FOLR3: variants seen among roughly 807,000 people sequenced by gnomAD.
FOLR3 encodes folate receptor 3 (gamma).
In FOLR3, 9 loss-of-function variants were observed where a neutral mutation model predicts 20.0. The observed-to-expected ratio is 0.45, with a 90% CI of 0.27 to 0.79. FOLR3 has a LOEUF of 0.79. FOLR3 is among the 30% of genes least tolerant of loss of function. The pLI, the probability that FOLR3 is intolerant of heterozygous loss-of-function variation, is 0.15. For missense variants in FOLR3, 309 were observed against 323.5 expected (o/e 0.96, Z 0.34); for synonymous variants, 124 against 115.5 (o/e 1.07, Z -0.47).
intron 2 of FOLR3, among the ~76,000 whole-genome samples, chr11:72,137,539 T>A (rs373190231): frequency 1.2e-4 from 19 of 152,066 alleles, no homozygotes; most frequent in African/African-American, 4.3e-4. Context: ...TTGCCCAGGC[T>A]GGAATGCAAT....
chr11:72,139,281 C>T, intron 3 of FOLR3, 66 bp from the exon 4 acceptor site: 1 of 1,572,966 alleles, frequency 6.4e-7, no homozygotes, highest in Non-Finnish European at 8.6e-7. Flanking sequence ...CAGCTCTGGT[C>T]CCCTTCAAGG....
intron 2 of FOLR3, among the ~76,000 whole-genome samples, chr11:72,137,094 A>G (rs951734154): frequency 1.3e-5 from 2 of 152,062 alleles, no homozygotes; most frequent in Non-Finnish European, 2.9e-5. Flanking sequence ...GGATTTCCCT[A>G]TTGTTTCTCC....
intron 2 of FOLR3, among the ~76,000 whole-genome samples, chr11:72,138,198 C>T (rs999255325): frequency 2.0e-5 from 3 of 152,114 alleles, no homozygotes; most frequent in Admixed American, 1.3e-4. Context: ...GAACCCCCGT[C>T]TCTACTAAAA....
At chr11:72,138,750 C>A in intron 2 of FOLR3, 1 of 614,038 alleles carries the variant, frequency 1.6e-6, no homozygotes, top group South Asian at 1.9e-5. Context: ...CCAGCCTGGT[C>A]AACAGAGCAA....
At position 72,139,118 on chromosome 11, in the gene FOLR3, G is replaced by A; in HGVS notation, c.326G>A (p.Cys109Tyr). 6.2e-7 allele frequency: 1 copy of A among 1,613,596 alleles called. No homozygotes were observed. The highest frequency in any genetic ancestry group is 2.2e-5 in the East Asian group (1 of 44,864). The part of the protein sequence containing the change: ...HFIQDSCLYE[C>Y]SPNLGPWIRQ... ...ATCCAGGACAGCTGTCTCTATGAGTGCTCACCCAACCTGGGGCCCTGGATC... is the reference window on the plus strand; with the variant it reads ...ATCCAGGACAGCTGTCTCTATGAGTACTCACCCAACCTGGGGCCCTGGATC... The change falls in exon 3 of 5, where the codon TGC becomes TAC. Residue 109 changes from cysteine (C) to tyrosine (Y), a missense_variant. Physicochemically the swap from Cys to Tyr is radical, Grantham distance 194. Transcript: ENST00000611028.
At chr11:72,136,395 T>C (rs1947743073) in intron 2 of FOLR3, among the ~76,000 whole-genome samples, 1 of 152,016 alleles carries the variant, frequency 6.6e-6, no homozygotes, top group Admixed American at 6.6e-5. Context: ...GGGCTGGGGA[T>C]GTGCCTAGGG....
rs184446689 is a variant in FOLR3 at position 72,139,722 on chromosome 11, T to A, written c.629T>A (p.Ile210Asn). ...SNYSRGSGRC[I>N]QMWFDSAQGN... ...TATAGTCGAGGGAGCGGCCGCTGCA[T>A]CCAGATGTGGTTTGACTCAGCCCAG... is the stretch of plus-strand genomic sequence containing the variant. Residue 210 changes from isoleucine (I) to asparagine (N), a missense_variant, in exon 5 of 5, where the codon ATC becomes AAC. Ile to Asn is a moderately radical substitution (Grantham distance 149). Coordinates refer to ENST00000611028, the MANE Select transcript of FOLR3 (RefSeq NM_000804.4). 2,009 of 1,614,046 alleles carry A rather than the reference T, an allele frequency of 1.2e-3. 1 individual carries two copies. The highest frequency in any genetic ancestry group is 1.6e-3 in the Non-Finnish European group (1,921 of 1,180,010).
Position 72,139,161 on chromosome 11 carries a change from G to C in FOLR3, c.357+12G>C. ...CCTGGATCCGGCAGGTATGAGTGCT[G>C]TTCCCACAAACATTAACCTCAGCAG... On this transcript the variant is annotated intron_variant, in intron 3 of 4. Transcript: ENST00000611028. The C allele has an allele frequency of 6.2e-7, 1 of 1,608,262 alleles. No individual in the cohort carries two copies. The highest frequency in any genetic ancestry group is 8.5e-7 in the Non-Finnish European group (1 of 1,176,522).
At chr11:72,137,866 A>C (rs1947760488) in intron 2 of FOLR3, among the ~76,000 whole-genome samples, 1 of 152,066 alleles carries the variant, frequency 6.6e-6, no homozygotes, top group Non-Finnish European at 1.5e-5. Flanking sequence ...GGGACTTTGC[A>C]CCTATGGTTT....
At chr11:72,138,105 G>A (rs982685036) in intron 2 of FOLR3, among the ~76,000 whole-genome samples, 1 of 152,144 alleles carries the variant, frequency 6.6e-6, no homozygotes, top group South Asian at 2.1e-4. Flanking sequence ...GGTGACTCAC[G>A]CCTGTAATCC....
intron 2 of FOLR3, among the ~76,000 whole-genome samples, chr11:72,137,442 C>T (rs537872514): frequency 6.6e-6 from 1 of 152,074 alleles, no homozygotes; most frequent in African/African-American, 2.4e-5. Flanking sequence ...CCTCCACCCT[C>T]CCCCACAACC....
In FOLR3 at chr11:72,139,885, C is replaced by G. The variant is rs1299626775; in HGVS notation, c.*54C>G. The G allele has an allele frequency of 6.3e-7, 1 of 1,590,608 alleles. No homozygotes were observed. The highest frequency in any genetic ancestry group is 1.3e-5 in the African/African-American group (1 of 74,296). ...AACAACCTATTCTAATAGACAAATC[C>G]ACATGTGTCTTGTGTCTTGTAATTT... On this transcript the variant is annotated 3_prime_UTR_variant, in exon 5 of 5. Coordinates refer to ENST00000611028, the MANE Select transcript of FOLR3 (RefSeq NM_000804.4).
rs1285311190 is a variant in FOLR3 at position 72,139,639 on chromosome 11, C to A, written c.546C>A (p.Phe182Leu). 1 of 1,613,572 alleles carries A rather than the reference C, an allele frequency of 6.2e-7. No homozygotes were observed. Among genetic ancestry groups the A allele is most frequent in the South Asian group, 1.1e-5 (1 of 91,054 alleles). The stretch of plus-strand genomic sequence containing the variant: ...TCTGCAGCACCTTTGAGTCCTACTT[C>A]CCCACTCCAGCCGCCCTTTGTGAAG... ...GALCSTFESY[F>L]PTPAALCEGL... The change falls in exon 5 of 5, where the codon TTC (phenylalanine) becomes TTA (leucine). Residue 182 changes from phenylalanine (F) to leucine (L), a missense_variant. Transcript: ENST00000611028.
intron 2 of FOLR3, 57 bp from the exon 3 acceptor site, chr11:72,138,904 A>G (rs1339698819): frequency 1.3e-6 from 2 of 1,590,034 alleles, no homozygotes; most frequent in East Asian, 2.3e-5. Context: ...AGGAGCCAGA[A>G]TATGGAGGAG....
chr11:72,138,592 G>A (rs960744134), intron 2 of FOLR3, among the ~76,000 whole-genome samples: 5 of 151,930 alleles, frequency 3.3e-5, no homozygotes, highest in African/African-American at 4.8e-5. Flanking sequence ...AGGCAACATA[G>A]TGAGACCCCA....
In FOLR3 at chr11:72,139,027, T is replaced by A. The variant is rs1172218150; in HGVS notation, c.235T>A (p.Ser79Thr). ...STSQELHKDT[S>T]RLYNFNWDHC... The stretch of plus-strand genomic sequence containing the variant: ...CAGCCAGGAGCTGCACAAGGACACC[T>A]CCCGCCTGTACAACTTTAACTGGGA... The change falls in exon 3 of 5, where the codon TCC (serine) becomes ACC (threonine). Residue 79 changes from serine (S) to threonine (T), a missense_variant. Ser to Thr is a moderately conservative substitution (Grantham distance 58). Coordinates refer to ENST00000611028, the MANE Select transcript of FOLR3 (RefSeq NM_000804.4). 1.2e-6 allele frequency: 2 copies of A among 1,613,780 alleles called. No homozygotes were observed. The highest frequency in any genetic ancestry group is 1.3e-5 in the African/African-American group (1 of 74,892).
chr11:72,135,843 T>TG, intron 1 of FOLR3, 75 bp downstream of exon 1: 1 of 1,226,386 alleles, frequency 8.2e-7, no homozygotes, highest in Non-Finnish European at 1.2e-6. Flanking sequence ...GGATGCAGGG[T>TG]GGGGACAGCA....
At chr11:72,139,306 A>G (rs1488658483) in intron 3 of FOLR3, 41 bp from the exon 4 acceptor site, 1 of 1,600,098 alleles carries the variant, frequency 6.2e-7, no homozygotes, top group Admixed American at 1.7e-5. Flanking sequence ...AGCTGCTGAG[A>G]TACGTGGCTG....
At position 72,139,856 on chromosome 11, in the gene FOLR3, T is replaced by C. The variant is rs180805714; in HGVS notation, c.*25T>C. On this transcript the variant is annotated 3_prime_UTR_variant, in exon 5 of 5. Coordinates refer to ENST00000611028, the MANE Select transcript of FOLR3 (RefSeq NM_000804.4). ...ATCCAAGAAGGGTCCTCTGGGGTTCTTCCAACAACCTATTCTAATAGACAA... is the reference window on the plus strand; with the variant it reads ...ATCCAAGAAGGGTCCTCTGGGGTTCCTCCAACAACCTATTCTAATAGACAA... 1.6e-4 allele frequency: 250 copies of C among 1,611,632 alleles called. 1 individual carries two copies. In the African/African-American group the frequency reaches 3.1e-3, roughly 20 times the overall value.
Sources: allele counts gnomAD v4.1 joint callset (sites outside exome capture counted in the v4.1 genomes callset), GRCh38; gene constraint gnomAD v4.1.1; transcripts MANE v1.5; gene names NCBI Gene and HGNC (gene_info 2026-07-23, HGNC 2026-07-21).